Variants in CCDC32 observed in about 807,000 individuals in gnomAD.
CCDC32 encodes the protein coiled-coil domain-containing protein 32.
Under a neutral mutation model 20.1 loss-of-function variants are expected in CCDC32, and 9 were observed. The observed-to-expected ratio is 0.45, with a 90% confidence interval of 0.27 to 0.78. The LOEUF is 0.78. Among genes scored for constraint, CCDC32 ranks in the 30% least tolerant of loss-of-function variants. The pLI, the probability that CCDC32 is intolerant of heterozygous loss-of-function variation, is 0.16. For synonymous variants in CCDC32, 63 were observed against 79.0 expected (o/e 0.80, Z 1.07); for missense variants, 204 against 215.5 (o/e 0.95, Z 0.33).
chr15:40,524,485 G>A (rs76299246), downstream of CCDC32, among the ~76,000 whole-genome samples: 1,322 of 152,106 alleles, frequency 8.7e-3, 11 homozygotes, highest in Non-Finnish European at 0.015. Context: ...AAAATATTAT[G>A]TTGAGTGAAA....
chr15:40,540,467 A>G (rs1889345024), intron 3 of CCDC32, among the ~76,000 whole-genome samples: 1 of 148,888 alleles, frequency 6.7e-6, no homozygotes, highest in South Asian at 2.1e-4. Flanking sequence ...TCCTGGGTTC[A>G]AGCTATTCTC....
At chr15:40,543,468 T>TTG (rs1566980415) in intron 3 of CCDC32, among the ~76,000 whole-genome samples, 7 of 152,040 alleles carry the variant, frequency 4.6e-5, no homozygotes, top group Admixed American at 2.0e-4. Flanking sequence ...TGTTGTTGTT[T>TTG]TTTTGAGACA....
At chr15:40,530,721 C>A (rs1421807576), downstream of CCDC32, among the ~76,000 whole-genome samples, 1 of 54,908 alleles carries the variant, frequency 1.8e-5, no homozygotes, top group Non-Finnish European at 5.7e-5. Flanking sequence ...CTCAGGTATT[C>A]CTTTTTTTTT....
At chr15:40,530,420 C>CTGAGTTCACGTGAGATCTGG (rs1888837787), downstream of CCDC32, among the ~76,000 whole-genome samples, 1 of 150,948 alleles carries the variant, frequency 6.6e-6, no homozygotes, top group Non-Finnish European at 1.5e-5. Context: ...AGCTCTCACT[C>CTGAGTTCACGTGAGATCTGG]TGAGTTCACG....
At chr15:40,522,225 C>T in the CCDC32 span, among the ~76,000 whole-genome samples, 2 of 152,050 alleles carry the variant, frequency 1.3e-5, no homozygotes, top group Non-Finnish European at 2.9e-5. Flanking sequence ...TTTTTTTCTC[C>T]ATTCAATTGT....
downstream of CCDC32, among the ~76,000 whole-genome samples, chr15:40,548,792 T>C (rs1889726363): frequency 6.6e-6 from 1 of 152,000 alleles, no homozygotes; most frequent in Non-Finnish European, 1.5e-5. Flanking sequence ...GCCTCAGAAG[T>C]CCCATTATTT....
At position 40,557,259 on chromosome 15, in the gene CCDC32, A is replaced by T; in HGVS notation, c.358T>A (p.Leu120Ile). The change falls in exon 3 of 4, where the codon TTA (leucine) becomes ATA (isoleucine). Residue 120 changes from leucine to isoleucine, a missense_variant. Transcript: ENST00000416810. ...ECWDRFLQEK[L>I]ASEFFVDGLD... ...CCATCCACAAAGAACTCTGAAGCTA[A>T]CTTCTCCTGGAGGAACCGATCCCAG... is the stretch of plus-strand genomic sequence containing the variant. The T allele has an allele frequency of 6.2e-7, 1 of 1,614,134 alleles. No individual in the cohort carries two copies. The highest frequency in any genetic ancestry group is 8.5e-7 in the Non-Finnish European group (1 of 1,180,016).
At chr15:40,550,531 C>T (rs1465638277), downstream of CCDC32, among the ~76,000 whole-genome samples, 1 of 152,180 alleles carries the variant, frequency 6.6e-6, no homozygotes, top group African/African-American at 2.4e-5. Flanking sequence ...AAAGACAGCA[C>T]CCAAGACTCT....
chr15:40,536,139 G>A (rs1009908536), downstream of CCDC32: 8 of 152,300 alleles, frequency 5.3e-5, no homozygotes, highest in African/African-American at 1.9e-4. Context: ...CACAGGACTA[G>A]CGATCACCCA....
exon 4 of CCDC32, chr15:40,539,318 A>C (rs899649408): frequency 3.3e-6 from 5 of 1,535,530 alleles, no homozygotes; most frequent in Non-Finnish European, 4.4e-6. Context: ...CCATCCTCAG[A>C]AAAGCTGCTG....
the CCDC32 span, among the ~76,000 whole-genome samples, chr15:40,522,828 CTTTTTTTTTT>C: frequency 7.6e-6 from 1 of 131,188 alleles, no homozygotes; most frequent in Non-Finnish European, 1.6e-5. Context: ...GTTTTCCTTT[CTTTTTTTTTT>C]TTTTTTTTGA....
intron 1 of CCDC32, among the ~76,000 whole-genome samples, chr15:40,563,818 C>G (rs979175166): frequency 8.3e-6 from 1 of 120,122 alleles, no homozygotes; most frequent in African/African-American, 2.8e-5. Flanking sequence ...TTTTTTCTTT[C>G]TTTCTTTCTT....
chr15:40,548,237 G>A (rs1889702270), downstream of CCDC32, among the ~76,000 whole-genome samples: 2 of 152,118 alleles, frequency 1.3e-5, no homozygotes, highest in African/African-American at 4.8e-5. Flanking sequence ...TTTTCTTGCA[G>A]TATTCTACAT....
At chr15:40,524,709 G>GAAAAATTCATC (rs1419295673), downstream of CCDC32, among the ~76,000 whole-genome samples, 1 of 147,204 alleles carries the variant, frequency 6.8e-6, no homozygotes, top group Non-Finnish European at 1.5e-5. Context: ...TATACCTTTG[G>GAAAAATTCATC]AAAAATTCAT....
At chr15:40,525,249 C>T (rs1894886991), downstream of CCDC32, among the ~76,000 whole-genome samples, 1 of 152,060 alleles carries the variant, frequency 6.6e-6, no homozygotes, top group Non-Finnish European at 1.5e-5. Flanking sequence ...GGGCTGGTCT[C>T]GAACTCCTGA....
At chr15:40,554,362 C>T (rs1261714823) in intron 3 of CCDC32, among the ~76,000 whole-genome samples, 1 of 152,252 alleles carries the variant, frequency 6.6e-6, no homozygotes, top group African/African-American at 2.4e-5. Context: ...CAGCAGCAGG[C>T]CCCCTTCAAA....
chr15:40,535,349 T>C (rs751054018), downstream of CCDC32: 280 of 1,169,566 alleles, frequency 2.4e-4, no homozygotes, highest in Non-Finnish European at 2.9e-4. Context: ...AGCATCTGTT[T>C]TAAAGTCTGC....
At chr15:40,550,251 C>T (rs1209130095), downstream of CCDC32, among the ~76,000 whole-genome samples, 6 of 152,170 alleles carry the variant, frequency 3.9e-5, no homozygotes, top group African/African-American at 1.4e-4. Flanking sequence ...AATATTGCTC[C>T]ATTTGCTCTA....
intron 1 of CCDC32, among the ~76,000 whole-genome samples, chr15:40,563,677 A>AACACACACAC (rs59483012): frequency 1.5e-5 from 2 of 129,704 alleles, no homozygotes. Flanking sequence ...CATATATTTT[A>AACACACACAC]ACACACACAC....
Sources: gnomAD v4.1 joint callset for allele counts (sites outside exome capture counted in the v4.1 genomes callset) on GRCh38, gnomAD v4.1.1 for gene constraint, MANE v1.5 for transcripts, NCBI Gene and HGNC (gene_info 2026-07-23, HGNC 2026-07-21) for gene names.